GRAMD1A: variants seen among roughly 807,000 people sequenced by gnomAD.
GRAMD1A encodes protein Aster-A.
A neutral mutation model predicts 92.0 loss-of-function variants in GRAMD1A; 50 were observed. That is an observed-to-expected ratio of 0.54 (90% confidence interval 0.43 to 0.69). GRAMD1A has a LOEUF of 0.69. GRAMD1A is among the 30% of genes least tolerant of loss of function. The pLI is 0.00. For missense variants in GRAMD1A, 819 were observed against 978.9 expected, an observed-to-expected ratio of 0.84 and a Z score of 2.18; for synonymous variants, 405 against 403.6, an observed-to-expected ratio of 1.00 and a Z score of -0.04.
At chr19:35,011,394 G>C (rs1399226411) in intron 6 of GRAMD1A, 80 bp from the exon 7 acceptor site, 1 of 994,748 alleles carries the variant, frequency 1.0e-6, no homozygotes, top group Non-Finnish European at 1.6e-6. Context: ...CGTCAGCGCA[G>C]ATGAGGGTGG....
chr19:35,014,252 AC>A lies in GRAMD1A; in HGVS notation c.938del (p.Pro313ArgfsTer31). 1 of 1,614,012 alleles carries A rather than the reference AC, an allele frequency of 6.2e-7. No homozygotes were observed. The highest frequency in any genetic ancestry group is 1.1e-5 in the South Asian group (1 of 91,080). On this transcript the variant is annotated frameshift_variant, in exon 10 of 20. Transcript: ENST00000317991. LOFTEE classifies it high-confidence loss of function. ...AGACGCCTCCTCCAGCCAGACAGTG[AC>A]CCCGGTGGCTGAACCCCCGAGCACA... ...QPDASSSQTV[T>X]PVAEPPSTEP...
chr19:35,021,747 C>CG lies in GRAMD1A; in HGVS notation c.1640dup (p.Leu549AlafsTer26), dbSNP rs1568338516. ...TCTGGAGGAAGGCGGGAAGGATGCCCGGGGCTTGCTATCCGGCCTGCGGCG... is the reference window on the plus strand; with the variant it reads ...TCTGGAGGAAGGCGGGAAGGATGCCCGGGGGCTTGCTATCCGGCCTGCGGCG... On this transcript the variant is annotated frameshift_variant, in exon 15 of 20. Coordinates refer to ENST00000317991, the MANE Select transcript of GRAMD1A (RefSeq NM_020895.5). LOFTEE classifies it high-confidence loss of function. The surrounding 1 kb of genome is among the most constrained non-coding windows in gnomAD (Gnocchi z 5.3). 1 of 1,613,770 alleles carries CG rather than the reference C, an allele frequency of 6.2e-7. No homozygotes were observed. The highest frequency in any genetic ancestry group is 8.5e-7 in the Non-Finnish European group (1 of 1,179,946).
At position 35,013,030 on chromosome 19, in the gene GRAMD1A, A is replaced by C; in HGVS notation, c.607-226A>C. 1.8e-6 allele frequency: 1 copy of C among 548,560 alleles called. No individual in the cohort carries two copies. Among genetic ancestry groups the C allele is most frequent in the Non-Finnish European group, 3.3e-6 (1 of 304,710 alleles). The allele number at this position is 548,560 out of a possible 1,614,324, so 34.0% of individuals were successfully genotyped here. A position where few individuals can be genotyped will look rare whatever the true frequency, so the allele number is the denominator to read the frequency against. ...AATGGGAACATTCTCTGGCCAGAGT[A>C]TTGTGGGGACTTGGGAAGCAGGAAG... is the stretch of plus-strand genomic sequence containing the variant. On this transcript the variant is annotated intron_variant, in intron 7 of 19. Coordinates refer to ENST00000317991, the MANE Select transcript of GRAMD1A (RefSeq NM_020895.5). The surrounding 1 kb of genome is among the most constrained non-coding windows in gnomAD (Gnocchi z 4.9).
chr19:35,011,678 C>T (rs2015253181), intron 7 of GRAMD1A, 124 bp downstream of exon 7: 4 of 680,522 alleles, frequency 5.9e-6, no homozygotes, highest in African/African-American at 3.6e-5. Flanking sequence ...AGGCCCAGTG[C>T]CCCTGCAGCT....
At position 35,016,584 on chromosome 19, in the gene GRAMD1A, ACT is replaced by A; in HGVS notation, c.1213+620_1213+621del. 1.9e-5 allele frequency among the ~76,000 whole-genome samples: 2 copies of A among 106,262 alleles called. 1 individual carries two copies. Among genetic ancestry groups the A allele is most frequent in the Admixed American group, 2.7e-4 (2 of 7,488 alleles). The allele number at this position is 106,262 out of a possible 152,430, so 69.7% of individuals were successfully genotyped here. ...ACTCCAGCCTGGGTGACACAGCCAAACTCTGTCTCAAAAAAACAGGGGCGGGG... is the reference window on the plus strand; with the variant it reads ...ACTCCAGCCTGGGTGACACAGCCAAACTGTCTCAAAAAAACAGGGGCGGGG... On this transcript the variant is annotated intron_variant, in intron 11 of 19. Coordinates refer to ENST00000317991, the MANE Select transcript of GRAMD1A (RefSeq NM_020895.5).
chr19:35,012,013 G>A (rs757014419), intron 7 of GRAMD1A, among the ~76,000 whole-genome samples: 3 of 152,184 alleles, frequency 2.0e-5, no homozygotes, highest in Non-Finnish European at 2.9e-5. Flanking sequence ...GAGGGACAGC[G>A]CACAGTCAGG....
At position 35,021,761 on chromosome 19, in the gene GRAMD1A, C is replaced by T. The variant is rs2290645; in HGVS notation, c.1650C>T (p.Ser550=). 7.7e-4 allele frequency: 1,245 copies of T among 1,613,168 alleles called. 26 individuals are homozygous for T. The East Asian group carries it at 0.022, about 29-fold the overall frequency. ...GGAAGGATGCCCGGGGCTTGCTATC[C>T]GGCCTGCGGCGGCGGAAGCGGCCCC... ...EGGKDARGLL[S]GLRRRKRPLS... The change falls in exon 15 of 20, where the codon TCC becomes TCT. Residue 550 remains serine (S), a synonymous_variant. Transcript: ENST00000317991. The surrounding 1 kb of genome is among the most constrained non-coding windows in gnomAD (Gnocchi z 5.3).
intron 11 of GRAMD1A, 65 bp from the exon 12 acceptor site, chr19:35,019,126 T>A: frequency 1.9e-6 from 2 of 1,047,082 alleles, no homozygotes; most frequent in Non-Finnish European, 2.9e-6. Context: ...GAAGGCTGAG[T>A]CTCCTGTGGC....
Position 35,013,439 on chromosome 19 carries a change from A to G in GRAMD1A, c.719+71A>G. 6.6e-7 allele frequency: 1 copy of G among 1,518,336 alleles called. No homozygotes were observed. Among genetic ancestry groups the G allele is most frequent in the South Asian group, 1.1e-5 (1 of 88,010 alleles). The allele number at this position is 1,518,336 out of a possible 1,614,324, so 94.1% of individuals were successfully genotyped here. A position where few individuals can be genotyped will look rare whatever the true frequency, so the allele number is the denominator to read the frequency against. ...GACGGTCGGCGTGCAGAGTTCCTGG[A>G]GTGCTGGGGGGCCTGAGATGGTTGT... On this transcript the variant is annotated intron_variant, in intron 8 of 19. Coordinates refer to ENST00000317991, the MANE Select transcript of GRAMD1A (RefSeq NM_020895.5). The surrounding 1 kb of genome is among the most constrained non-coding windows in gnomAD (Gnocchi z 4.9).
At position 35,000,522 on chromosome 19, in the gene GRAMD1A, G is replaced by A. The variant is rs1476801301; in HGVS notation, c.8+36G>A. The A allele has an allele frequency of 6.4e-6, 8 of 1,255,652 alleles. No homozygotes were observed. Among genetic ancestry groups the A allele is most frequent in the Non-Finnish European group, 8.0e-6 (8 of 994,300 alleles). The allele number at this position is 1,255,652 out of a possible 1,614,324, so 77.8% of individuals were successfully genotyped here. A position where few individuals can be genotyped will look rare whatever the true frequency, so the allele number is the denominator to read the frequency against. The stretch of plus-strand genomic sequence containing the variant: ...GGCGACTAGAGCTCAGGGACCGGGC[G>A]CGCGGGGGAGGCCACCGGAGGGAGG... On this transcript the variant is annotated intron_variant, in intron 1 of 19. Transcript: ENST00000317991. This position sits in a 1 kb window ranked among gnomAD's most constrained non-coding sequence, Gnocchi z 4.9.
At chr19:34,998,298 C>CTTTTTT (rs67881737), upstream of GRAMD1A, 5 of 76,948 alleles carry the variant, frequency 6.5e-5, no homozygotes, top group East Asian at 3.9e-4. Context: ...TATTTTCTTC[C>CTTTTTT]TTTTTTTTTT....
intron 11 of GRAMD1A, among the ~76,000 whole-genome samples, chr19:35,018,922 A>G (rs560300249): frequency 2.0e-5 from 3 of 151,814 alleles, no homozygotes; most frequent in Middle Eastern, 3.4e-3. Context: ...GGGACCTTCC[A>G]GGGGAAGGTG....
intron 1 of GRAMD1A, among the ~76,000 whole-genome samples, chr19:35,002,092 CTG>C (rs1332839495): frequency 2.0e-5 from 3 of 152,112 alleles, no homozygotes; most frequent in African/African-American, 4.8e-5. Context: ...CTGAGACCCT[CTG>C]TGGTTTTGTG....
At chr19:35,002,559 C>A (rs2014464854) in intron 1 of GRAMD1A, 1 of 152,338 alleles carries the variant, frequency 6.6e-6, no homozygotes, top group African/African-American at 2.4e-5. Context: ...TGCCACCACA[C>A]CTGGCTAATT....
intron 6 of GRAMD1A, chr19:35,010,647 C>T: frequency 1.7e-6 from 1 of 588,668 alleles, no homozygotes; most frequent in Non-Finnish European, 3.0e-6. Flanking sequence ...CTCAGCCGCC[C>T]CTCCCTTCGT....
At chr19:35,007,798 G>T (rs8102360) in intron 1 of GRAMD1A, among the ~76,000 whole-genome samples, 1 of 151,862 alleles carries the variant, frequency 6.6e-6, no homozygotes, top group South Asian at 2.1e-4. Flanking sequence ...ACTTAAGCCC[G>T]GGAGCTCGAG....
At chr19:35,000,184 C>T (rs896282732), upstream of GRAMD1A, 96 of 1,013,018 alleles carry the variant, frequency 9.5e-5, no homozygotes, top group Non-Finnish European at 1.1e-4. This position sits in a 1 kb window ranked among gnomAD's most constrained non-coding sequence, Gnocchi z 4.9. Flanking sequence ...GTCCCTCTCT[C>T]CCCGGCTTCT....
chr19:35,008,910 T>A (rs1242097293), intron 1 of GRAMD1A, among the ~76,000 whole-genome samples: 1 of 152,230 alleles, frequency 6.6e-6, no homozygotes, highest in Non-Finnish European at 1.5e-5. Flanking sequence ...GGACATGTAT[T>A]TATCATCCCT....
upstream of GRAMD1A, among the ~76,000 whole-genome samples, chr19:34,999,688 GT>G (rs1425682336): frequency 6.6e-6 from 1 of 152,234 alleles, no homozygotes; most frequent in Non-Finnish European, 1.5e-5. Context: ...TTACCACCGA[GT>G]TAGTGGGACT....
Sources: allele counts gnomAD v4.1 joint callset (sites outside exome capture counted in the v4.1 genomes callset), GRCh38; gene constraint gnomAD v4.1.1; non-coding constraint Gnocchi (gnomAD v3.1); transcripts MANE v1.5; gene names NCBI Gene and HGNC (gene_info 2026-07-23, HGNC 2026-07-21).